LRIG1: variants seen among roughly 807,000 people sequenced by gnomAD.
LRIG1 encodes leucine rich repeats and immunoglobulin like domains 1.
LRIG1 carries 48 observed loss-of-function variants against 99.2 expected under a neutral mutation model. That is an observed-to-expected ratio of 0.48 (90% CI 0.38 to 0.62). The LOEUF is 0.62. Among genes scored for constraint, LRIG1 ranks in the 20% least tolerant of loss-of-function variants. The probability of loss-of-function intolerance (pLI) is 0.00; values close to 1 mark genes in which losing one functional copy is unlikely to be tolerated. For synonymous variants in LRIG1, 772 were observed against 596.1 expected (o/e 1.29, Z -4.30); for missense variants, 1,646 against 1,434.4 (o/e 1.15, Z -2.38).
At chr3:66,434,701 C>G (rs1023671851) in intron 3 of LRIG1, among the ~76,000 whole-genome samples, 4 of 149,822 alleles carry the variant, frequency 2.7e-5, no homozygotes, top group Non-Finnish European at 4.4e-5. Context: ...GAGCAGAAAT[C>G]ATGCCACTGC....
intron 3 of LRIG1, among the ~76,000 whole-genome samples, chr3:66,423,621 G>A (rs947306979): frequency 6.6e-6 from 1 of 152,200 alleles, no homozygotes; most frequent in African/African-American, 2.4e-5. Flanking sequence ...GCACTCCTCT[G>A]TCTAAATCTC....
intron 1 of LRIG1, among the ~76,000 whole-genome samples, chr3:66,480,202 T>C (rs1700816374): frequency 6.6e-6 from 1 of 152,072 alleles, no homozygotes; most frequent in African/African-American, 2.4e-5. Flanking sequence ...AGTAACTAAG[T>C]AAAAGAAAGG....
chr3:66,382,309 C>G lies in LRIG1; in HGVS notation c.2581G>C (p.Gly861Arg), dbSNP rs552760643. 2.5e-4 allele frequency: 402 copies of G among 1,614,176 alleles called. 5 individuals carry two copies. The South Asian group carries it at 4.2e-3, about 17-fold the overall frequency. Reference protein sequence around the residue: ...DRQETVVRTEGGPQANGHIES... With the variant: ...DRQETVVRTERGPQANGHIES... ...ATGTGCCCATTGGCCTGAGGGCCAC[C>G]CTCGGTCCTGACCACGGTTTCTTGT... Residue 861 changes from glycine to arginine, a missense_variant, in exon 16 of 19, where the codon GGT becomes CGT. Gly to Arg is a moderately radical substitution (Grantham distance 125, BLOSUM62 -2). Coordinates refer to ENST00000273261, the MANE Select transcript of LRIG1 (RefSeq NM_015541.3).
intron 1 of LRIG1, among the ~76,000 whole-genome samples, chr3:66,463,330 C>T (rs1700399279): frequency 6.6e-6 from 1 of 152,204 alleles, no homozygotes; most frequent in South Asian, 2.1e-4. Flanking sequence ...GGGACAGTCA[C>T]ACAGGAGAAA....
intron 11 of LRIG1, among the ~76,000 whole-genome samples, chr3:66,395,041 G>A (rs1214489886): frequency 6.6e-6 from 1 of 152,176 alleles, no homozygotes; most frequent in Non-Finnish European, 1.5e-5. Flanking sequence ...CCATCTCAGC[G>A]GACATTCCTT....
intron 12 of LRIG1, among the ~76,000 whole-genome samples, chr3:66,390,048 G>A (rs1701554579): frequency 1.3e-5 from 2 of 151,992 alleles, no homozygotes; most frequent in South Asian, 4.2e-4. Context: ...AGGACTTTTA[G>A]GTGGATGTCT....
chr3:66,399,144 G>A, intron 9 of LRIG1, 103 bp from the exon 10 acceptor site: 1 of 942,382 alleles, frequency 1.1e-6, no homozygotes, highest in South Asian at 1.4e-5. Context: ...TTAAGGTAGT[G>A]CTACCTGATA....
intron 1 of LRIG1, among the ~76,000 whole-genome samples, chr3:66,488,627 A>G (rs1575731883): frequency 6.6e-6 from 1 of 152,070 alleles, no homozygotes; most frequent in African/African-American, 2.4e-5. Context: ...ACAGAGTGAG[A>G]CTCTGCCTCA....
intron 3 of LRIG1, among the ~76,000 whole-genome samples, chr3:66,426,032 G>A (rs553193125): frequency 2.0e-4 from 31 of 152,278 alleles, no homozygotes; most frequent in South Asian, 4.1e-4. Flanking sequence ...AGGTATTCCC[G>A]TTAGTGGTGG....
At chr3:66,403,626 G>T (rs944440894) in intron 9 of LRIG1, among the ~76,000 whole-genome samples, 6 of 152,162 alleles carry the variant, frequency 3.9e-5, no homozygotes, top group African/African-American at 1.4e-4. Context: ...ACAGAGGGCG[G>T]GCACTCAGGA....
At chr3:66,405,113 A>G in intron 9 of LRIG1, 85 bp downstream of exon 9, 1 of 1,184,174 alleles carries the variant, frequency 8.4e-7, no homozygotes. Context: ...CAGAGCAGAG[A>G]GGCGCGGGGG....
intron 12 of LRIG1, chr3:66,386,622 C>G (rs1047951808): frequency 2.0e-5 from 6 of 302,272 alleles, no homozygotes; most frequent in Non-Finnish European, 3.1e-5. Context: ...GACTTTCACA[C>G]AAAACAGTCA....
chr3:66,467,214 A>G (rs1326891014), intron 1 of LRIG1, among the ~76,000 whole-genome samples: 1 of 152,216 alleles, frequency 6.6e-6, no homozygotes, highest in Non-Finnish European at 1.5e-5. Flanking sequence ...CCGAAGAGCT[A>G]AAGTCCTTCA....
chr3:66,478,034 A>G (rs1700762660), intron 1 of LRIG1, among the ~76,000 whole-genome samples: 2 of 152,326 alleles, frequency 1.3e-5, no homozygotes, highest in Non-Finnish European at 2.9e-5. Context: ...TCAAGGCCGC[A>G]TCAACATCTA....
At chr3:66,485,889 T>C (rs1462930791) in intron 1 of LRIG1, among the ~76,000 whole-genome samples, 1 of 152,166 alleles carries the variant, frequency 6.6e-6, no homozygotes, top group Non-Finnish European at 1.5e-5. Flanking sequence ...AGAACTACAC[T>C]AGGTGCTTCA....
chr3:66,432,684 C>T (rs1451860056), intron 3 of LRIG1, among the ~76,000 whole-genome samples: 1 of 152,128 alleles, frequency 6.6e-6, no homozygotes, highest in Non-Finnish European at 1.5e-5. Context: ...GAATCCATAT[C>T]CCACACTCCT....
chr3:66,428,685 G>A (rs748924452), intron 3 of LRIG1, among the ~76,000 whole-genome samples: 1 of 152,192 alleles, frequency 6.6e-6, no homozygotes, highest in Non-Finnish European at 1.5e-5. Flanking sequence ...AATGACAGTT[G>A]AAACCATTTC....
chr3:66,494,950 TC>T (rs1243418272), intron 1 of LRIG1, among the ~76,000 whole-genome samples: 8 of 152,222 alleles, frequency 5.3e-5, no homozygotes, highest in Non-Finnish European at 8.8e-5. Context: ...TATATCAAAT[TC>T]TTTGAGCAAA....
chr3:66,389,968 G>A (rs569259614), intron 12 of LRIG1, among the ~76,000 whole-genome samples: 1 of 152,228 alleles, frequency 6.6e-6, no homozygotes. Flanking sequence ...ATTATTAATT[G>A]AAGAAAATTG....
Sources: gnomAD v4.1 joint callset for allele counts (sites outside exome capture counted in the v4.1 genomes callset) on GRCh38, gnomAD v4.1.1 for gene constraint, MANE v1.5 for transcripts, NCBI Gene and HGNC (gene_info 2026-07-23, HGNC 2026-07-21) for gene names.